Variants in EPCAM observed in about 807,000 individuals in gnomAD.
EPCAM encodes the protein adenocarcinoma-associated antigen.
A neutral mutation model predicts 40.0 loss-of-function variants in EPCAM; 39 were observed. The observed-to-expected ratio is 0.98, with a 90% CI of 0.76 to 1.27. The LOEUF is 1.27. Ranked by LOEUF, EPCAM falls within the 50% of genes most tolerant of loss-of-function variation. The probability of loss-of-function intolerance (pLI) is 0.00; values close to 1 mark genes in which losing one functional copy is unlikely to be tolerated. For synonymous variants in EPCAM, 168 were observed against 132.3 expected (o/e 1.27, Z -1.85); for missense variants, 503 against 381.2 (o/e 1.32, Z -2.66).
chr2:47,369,669 T>C (rs987706438), intron 1 of EPCAM, 88 bp downstream of exon 1: 43 of 1,316,358 alleles, frequency 3.3e-5, no homozygotes, highest in Non-Finnish European at 4.2e-5. Context: ...ACGGGCATAA[T>C]AGGGAGGGGA....
At chr2:47,384,799 T>G (rs955036118) in intron 7 of EPCAM, among the ~76,000 whole-genome samples, 2 of 152,128 alleles carry the variant, frequency 1.3e-5, no homozygotes, top group South Asian at 4.1e-4. Flanking sequence ...CTCTGCCTCC[T>G]GGGTTCAAGC....
chr2:47,381,413 G>A (rs76686205), intron 7 of EPCAM, among the ~76,000 whole-genome samples: 1,265 of 97,072 alleles, frequency 0.013, 13 homozygotes, highest in East Asian at 0.027. Context: ...AAAAAAAAAA[G>A]AAATCTTACT....
chr2:47,373,220 A>AC (rs1161774486), intron 1 of EPCAM, among the ~76,000 whole-genome samples: 5 of 148,024 alleles, frequency 3.4e-5, no homozygotes, highest in East Asian at 2.1e-4. Flanking sequence ...AAAAAAAAAA[A>AC]AAAAAAAAAA....
intron 7 of EPCAM, among the ~76,000 whole-genome samples, chr2:47,382,352 A>C (rs1354752894): frequency 6.6e-6 from 1 of 152,044 alleles, no homozygotes; most frequent in Admixed American, 6.5e-5. Context: ...ACACAAGTGC[A>C]ATAAGGAAGC....
At chr2:47,372,147 G>A (rs547883676) in intron 1 of EPCAM, among the ~76,000 whole-genome samples, 83 of 152,220 alleles carry the variant, frequency 5.5e-4, no homozygotes, top group Admixed American at 5.4e-3. Flanking sequence ...ATTTAGTTAG[G>A]AAACTCACTT....
intron 4 of EPCAM, among the ~76,000 whole-genome samples, chr2:47,376,197 A>T (rs1013309079): frequency 2.0e-5 from 3 of 149,766 alleles, no homozygotes; most frequent in African/African-American, 7.4e-5. Context: ...TTTAAAGAGC[A>T]TGGGCAAGTC....
chr2:47,371,876 A>G (rs1002498619), intron 1 of EPCAM, among the ~76,000 whole-genome samples: 1 of 152,208 alleles, frequency 6.6e-6, no homozygotes, highest in Non-Finnish European at 1.5e-5. Flanking sequence ...AACTTAGGGT[A>G]CTTGGGATAC....
intron 1 of EPCAM, among the ~76,000 whole-genome samples, chr2:47,372,898 C>A (rs973666409): frequency 6.6e-6 from 1 of 151,876 alleles, no homozygotes; most frequent in Non-Finnish European, 1.5e-5. Flanking sequence ...GAGCTGTGTT[C>A]TTGTTTTAAA....
At chr2:47,382,029 A>G (rs1459754294) in intron 7 of EPCAM, among the ~76,000 whole-genome samples, 1 of 152,150 alleles carries the variant, frequency 6.6e-6, no homozygotes. Flanking sequence ...TAGCCTCCCA[A>G]ACTGCTGGGA....
Position 47,375,258 on chromosome 2 carries a change from C to G in EPCAM, c.450C>G (p.His150Gln), listed in dbSNP as rs864622724. 2.3e-5 allele frequency: 37 copies of G among 1,611,798 alleles called. No homozygotes were observed. The highest frequency in any genetic ancestry group is 3.1e-5 in the Non-Finnish European group (36 of 1,178,168). The change falls in exon 4 of 9, where the codon CAC becomes CAG. Residue 150 changes from histidine to glutamine, a missense_variant. Physicochemically the swap from His to Gln is conservative, Grantham distance 24. Coordinates refer to ENST00000263735, the MANE Select transcript of EPCAM (RefSeq NM_002354.3). ...GCTGGATCATCATTGAACTAAAACACAAAGCAAGAGAAAAACCTTATGATA... is the reference window on the plus strand; with the variant it reads ...GCTGGATCATCATTGAACTAAAACAGAAAGCAAGAGAAAAACCTTATGATA... ...RTYWIIIELKHKAREKPYDSK... is the reference protein window; with the variant it reads ...RTYWIIIELKQKAREKPYDSK...
chr2:47,372,562 A>G (rs1236968109), intron 1 of EPCAM, among the ~76,000 whole-genome samples: 1 of 152,060 alleles, frequency 6.6e-6, no homozygotes, highest in Non-Finnish European at 1.5e-5. Flanking sequence ...TCATGAGGTC[A>G]GGAGTTTGAG....
chr2:47,369,688 C>T (rs977270594), intron 1 of EPCAM, 107 bp downstream of exon 1: 11 of 1,168,708 alleles, frequency 9.4e-6, no homozygotes, highest in Non-Finnish European at 1.3e-5. Context: ...GACCAAGAGG[C>T]CGCGCTTTCC....
Position 47,386,693 on chromosome 2 carries a change from A to G in EPCAM, c.*80A>G. 9.2e-7 allele frequency: 1 copy of G among 1,086,106 alleles called. No individual in the cohort carries two copies. The highest frequency in any genetic ancestry group is 2.1e-4 in the Middle Eastern group (1 of 4,712). 67.3% of individuals were successfully genotyped at this position (1,086,106 alleles called of 1,614,324 possible). On this transcript the variant is annotated 3_prime_UTR_variant, in exon 9 of 9. Transcript: ENST00000263735. ...AAATGTGTGTGCGTGGGACGAAGAC[A>G]TCTTTGAAGGTCATGAGTTTGTTAG...
chr2:47,373,205 T>TTAA (rs1553342882), intron 1 of EPCAM, among the ~76,000 whole-genome samples: 1 of 65,048 alleles, frequency 1.5e-5, no homozygotes, highest in African/African-American at 5.1e-5. Flanking sequence ...ACCCTATCTT[T>TTAA]AAAAAAAAAA....
rs187782925 is a variant in EPCAM at position 47,385,228 on chromosome 2, C to T, written c.903+18C>T. 1 of 1,604,648 alleles carries T rather than the reference C, an allele frequency of 6.2e-7. No individual in the cohort carries two copies. The highest frequency in any genetic ancestry group is 8.5e-7 in the Non-Finnish European group (1 of 1,171,642). On this transcript the variant is annotated intron_variant, in intron 8 of 8. Coordinates refer to ENST00000263735, the MANE Select transcript of EPCAM (RefSeq NM_002354.3). ...AGGCTGAGGTAAATGGATTACTTACCTAAATAGAAAGGCCCTGTTGAATCT... is the reference window on the plus strand; with the variant it reads ...AGGCTGAGGTAAATGGATTACTTACTTAAATAGAAAGGCCCTGTTGAATCT...
chr2:47,374,198 C>T (rs1671362483), intron 3 of EPCAM, 150 bp downstream of exon 3: 10 of 880,960 alleles, frequency 1.1e-5, no homozygotes, highest in East Asian at 5.3e-5. Context: ...CAGTCCCCCT[C>T]GCTACCCATT....
Position 47,379,825 on chromosome 2 carries a change from A to T in EPCAM, c.714A>T (p.Glu238Asp). The T allele has an allele frequency of 6.2e-7, 1 of 1,614,074 alleles. No individual in the cohort carries two copies. The highest frequency in any genetic ancestry group is 1.7e-5 in the Admixed American group (1 of 59,992). Residue 238 changes from glutamate (E) to aspartate (D), a missense_variant, in exon 7 of 9, where the codon GAA becomes GAT. Glu to Asp is a conservative substitution (Grantham distance 45). Transcript: ENST00000263735. ...SKKMDLTVNG[E>D]QLDLDPGQTL... ...AAATGGACCTGACAGTAAATGGGGA[A>T]CAACTGGATCTGGATCCTGGTCAAA...
At chr2:47,373,372 C>T (rs2103745204) in intron 1 of EPCAM, 91 bp from the exon 2 acceptor site, 1 of 844,306 alleles carries the variant, frequency 1.2e-6, no homozygotes, top group Non-Finnish European at 1.9e-6. Context: ...GTCCTTGTAA[C>T]TTTAGGCATT....
chr2:47,374,585 G>A (rs545258466), intron 3 of EPCAM, among the ~76,000 whole-genome samples: 29 of 152,130 alleles, frequency 1.9e-4, no homozygotes, highest in African/African-American at 6.7e-4. Context: ...CTGGTCTTCT[G>A]GAGCCTCGTT....
Sources: allele counts gnomAD v4.1 joint callset (sites outside exome capture counted in the v4.1 genomes callset), GRCh38; gene constraint gnomAD v4.1.1; transcripts MANE v1.5; gene names NCBI Gene and HGNC (gene_info 2026-07-23, HGNC 2026-07-21).